The following TARP variants were observed in gnomAD, a reference collection of about 807,000 sequenced individuals.
chr7:38,270,697 C>A, the TARP span, among the ~76,000 whole-genome samples: 2 of 151,204 alleles, frequency 1.3e-5, no homozygotes, highest in African/African-American at 4.9e-5. Flanking sequence ...TCTCTGTTGT[C>A]ACTTTAGATC....
the TARP span, chr7:38,269,564 A>G: frequency 1.5e-6 from 1 of 669,532 alleles, no homozygotes; most frequent in East Asian, 2.7e-5. Context: ...TCCATATCAA[A>G]AACTCTAATT....
the TARP span, among the ~76,000 whole-genome samples, chr7:38,266,253 C>G: frequency 2.0e-5 from 3 of 151,546 alleles, no homozygotes; most frequent in Non-Finnish European, 4.4e-5. Context: ...ACTGATTCTG[C>G]GATGCACCAT....
the TARP span, chr7:38,265,348 C>A: frequency 1.2e-6 from 2 of 1,601,974 alleles, no homozygotes; most frequent in Middle Eastern, 1.7e-4. Flanking sequence ...TAAACACATA[C>A]CTGTCTTTAT....
the TARP span, chr7:38,260,209 G>C: frequency 6.3e-7 from 1 of 1,592,794 alleles, no homozygotes; most frequent in Non-Finnish European, 8.5e-7. Context: ...AGAGGTGTTT[G>C]TGAGCTGCAG....
chr7:38,270,845 TG>T, the TARP span, among the ~76,000 whole-genome samples: 1 of 151,152 alleles, frequency 6.6e-6, no homozygotes, highest in Non-Finnish European at 1.5e-5. Context: ...TTTTCCAAAA[TG>T]GAAGTTGAAG....
At chr7:38,272,946 C>T in the TARP span, among the ~76,000 whole-genome samples, 3 of 150,696 alleles carry the variant, frequency 2.0e-5, no homozygotes, top group African/African-American at 4.9e-5. Context: ...TCATTTTTTC[C>T]GATGCTTTAT....
the TARP span, among the ~76,000 whole-genome samples, chr7:38,269,222 A>G: frequency 6.6e-6 from 1 of 151,802 alleles, no homozygotes; most frequent in Non-Finnish European, 1.5e-5. Context: ...TCAGGGCCAG[A>G]CATTTTAATG....
chr7:38,269,274 C>T, the TARP span, among the ~76,000 whole-genome samples: 5 of 151,580 alleles, frequency 3.3e-5, no homozygotes, highest in Admixed American at 6.6e-5. Flanking sequence ...TATGGAAGTC[C>T]GTATATGCAC....
At chr7:38,269,713 C>T in the TARP span, among the ~76,000 whole-genome samples, 1 of 151,862 alleles carries the variant, frequency 6.6e-6, no homozygotes, top group Non-Finnish European at 1.5e-5. Context: ...TTTTATTTGT[C>T]TAAAAACAGT....
the TARP span, among the ~76,000 whole-genome samples, chr7:38,267,510 G>C: frequency 6.6e-6 from 1 of 150,792 alleles, no homozygotes; most frequent in Non-Finnish European, 1.5e-5. Flanking sequence ...AAACAGTCTT[G>C]ATAATTTCTG....
the TARP span, among the ~76,000 whole-genome samples, chr7:38,266,113 A>G: frequency 6.6e-6 from 1 of 151,276 alleles, no homozygotes; most frequent in African/African-American, 2.4e-5. Context: ...AACCTTAATG[A>G]TCTCTCTACA....
At chr7:38,261,588 C>G in the TARP span, among the ~76,000 whole-genome samples, 338 of 151,438 alleles carry the variant, frequency 2.2e-3, 1 homozygote, top group Middle Eastern at 0.01. Flanking sequence ...AAAGACAGGA[C>G]AGGAGGCCGG....
chr7:38,265,594 G>A, the TARP span: 1 of 1,612,008 alleles, frequency 6.2e-7, no homozygotes, highest in Non-Finnish European at 8.5e-7. Context: ...ACAAAGGTAT[G>A]TTCCAGCCTT....
the TARP span, among the ~76,000 whole-genome samples, chr7:38,273,336 G>A: frequency 1.3e-5 from 2 of 150,116 alleles, 1 homozygote; most frequent in South Asian, 4.2e-4. Flanking sequence ...ACTTTCAACA[G>A]AGAGATACCA....
the TARP span, among the ~76,000 whole-genome samples, chr7:38,266,232 C>G: frequency 2.6e-5 from 4 of 151,616 alleles, no homozygotes; most frequent in Non-Finnish European, 5.9e-5. Context: ...TGTACTCCCA[C>G]TCTTCATTTA....
chr7:38,262,315 A>G, the TARP span: 3 of 909,918 alleles, frequency 3.3e-6, no homozygotes, highest in Non-Finnish European at 5.2e-6. Flanking sequence ...GCAGGAGGAC[A>G]GTTATTAAAA....
chr7:38,260,922 C>G, the TARP span, among the ~76,000 whole-genome samples: 2 of 151,736 alleles, frequency 1.3e-5, no homozygotes, highest in Admixed American at 1.3e-4. Context: ...GGGCTAGAGC[C>G]CATGCTTCTA....
At chr7:38,261,050 A>G in the TARP span, among the ~76,000 whole-genome samples, 1 of 151,830 alleles carries the variant, frequency 6.6e-6, no homozygotes, top group Non-Finnish European at 1.5e-5. Context: ...TCTCTTCAAT[A>G]ACTGTGAATC....
At chr7:38,266,830 T>G in the TARP span, among the ~76,000 whole-genome samples, 12,520 of 151,644 alleles carry the variant, frequency 0.083, 449 homozygotes, top group Non-Finnish European at 0.11. Flanking sequence ...ATTCACCATC[T>G]CCTGAATTTA....
Sources: allele counts gnomAD v4.1 joint callset (sites outside exome capture counted in the v4.1 genomes callset), GRCh38; gene constraint gnomAD v4.1.1; transcripts MANE v1.5.